Variants in FOXP1 observed in about 807,000 individuals in gnomAD.
FOXP1 encodes the protein forkhead box P1.
In FOXP1, 15 loss-of-function variants were observed where a neutral mutation model predicts 98.2. The observed-to-expected ratio is 0.15, with a 90% CI of 0.10 to 0.24. FOXP1 has a LOEUF of 0.24. Among genes scored for constraint, FOXP1 ranks in the 10% least tolerant of loss-of-function variants. The probability of loss-of-function intolerance (pLI) is 1.00; values close to 1 mark genes in which losing one functional copy is unlikely to be tolerated. For missense variants in FOXP1, 633 were observed against 848.5 expected (o/e 0.75, Z 3.15); for synonymous variants, 371 against 314.5 (o/e 1.18, Z -1.90).
intron 3 of FOXP1, among the ~76,000 whole-genome samples, chr3:71,432,692 C>T (rs1261712592): frequency 6.6e-6 from 1 of 152,038 alleles, no homozygotes; most frequent in African/African-American, 2.4e-5. Context: ...ATGATCGCTT[C>T]ACCCCATCCC....
chr3:71,507,096 C>T (rs1003155333), intron 2 of FOXP1, among the ~76,000 whole-genome samples: 1 of 152,170 alleles, frequency 6.6e-6, no homozygotes, highest in Admixed American at 6.5e-5. Flanking sequence ...TGAGCTGCTG[C>T]CAGTCCTTCA....
intron 6 of FOXP1, among the ~76,000 whole-genome samples, chr3:71,117,586 A>T (rs749854863): frequency 3.9e-5 from 6 of 152,132 alleles, no homozygotes; most frequent in Non-Finnish European, 7.3e-5. Flanking sequence ...GAAGAAGGAG[A>T]GGGCAAGCAG....
intron 2 of FOXP1, among the ~76,000 whole-genome samples, chr3:71,553,464 G>A (rs2045915045): frequency 1.3e-5 from 2 of 152,114 alleles, no homozygotes; most frequent in South Asian, 2.1e-4. Context: ...TCCAAATACA[G>A]TTACAGAATT....
At chr3:71,204,397 G>C (rs954559957) in intron 5 of FOXP1, among the ~76,000 whole-genome samples, 5 of 152,136 alleles carry the variant, frequency 3.3e-5, no homozygotes, top group Admixed American at 6.5e-5. Flanking sequence ...CAAACGGTAG[G>C]GTGGCCTAGG....
At chr3:71,307,236 A>G (rs2074345274) in intron 4 of FOXP1, among the ~76,000 whole-genome samples, 1 of 152,212 alleles carries the variant, frequency 6.6e-6, no homozygotes. Context: ...CAGATCCTTC[A>G]CAGCCTTCGA....
chr3:71,014,996 TG>T (rs2044235062), intron 12 of FOXP1, among the ~76,000 whole-genome samples: 1 of 101,784 alleles, frequency 9.8e-6, no homozygotes. Flanking sequence ...TGTCGTGGGG[TG>T]GGGGGAGAGG....
chr3:71,362,195 T>A (rs987501201), intron 3 of FOXP1, among the ~76,000 whole-genome samples: 2 of 152,174 alleles, frequency 1.3e-5, no homozygotes, highest in Non-Finnish European at 2.9e-5. Context: ...ATTTTTGAGA[T>A]GGAGTCTCGC....
chr3:70,985,050 G>A (rs1469754215), intron 14 of FOXP1, among the ~76,000 whole-genome samples: 1 of 152,178 alleles, frequency 6.6e-6, no homozygotes, highest in Non-Finnish European at 1.5e-5. Flanking sequence ...TTACAGCAAA[G>A]CATTCTATCA....
At chr3:71,502,323 C>T (rs934836843) in intron 2 of FOXP1, among the ~76,000 whole-genome samples, 6 of 152,222 alleles carry the variant, frequency 3.9e-5, no homozygotes, top group African/African-American at 1.4e-4. Flanking sequence ...GTCAAGTGAA[C>T]AGAGAGCTGG....
chr3:71,018,147 G>T (rs983169610), intron 11 of FOXP1, among the ~76,000 whole-genome samples: 18 of 152,164 alleles, frequency 1.2e-4, no homozygotes, highest in Admixed American at 1.2e-3. Context: ...AATTTAACAC[G>T]ATGTTTGCTG....
intron 3 of FOXP1, among the ~76,000 whole-genome samples, chr3:71,492,671 C>T (rs993329602): frequency 4.6e-5 from 7 of 152,104 alleles, no homozygotes; most frequent in Admixed American, 2.0e-4. Context: ...ATAAGGTTCT[C>T]CATGAAACTG....
intron 11 of FOXP1, among the ~76,000 whole-genome samples, chr3:71,038,054 A>C (rs761927257): frequency 1.3e-5 from 2 of 152,232 alleles, no homozygotes; most frequent in Non-Finnish European, 2.9e-5. Flanking sequence ...AACAGATTGC[A>C]GCTCACCAAA....
chr3:71,135,691 C>T (rs1180560978), intron 6 of FOXP1, among the ~76,000 whole-genome samples: 2 of 152,156 alleles, frequency 1.3e-5, no homozygotes, highest in African/African-American at 4.8e-5. Flanking sequence ...AAGTTTAACT[C>T]CCTCTGAACC....
At chr3:71,091,580 G>T (rs991888620) in intron 7 of FOXP1, among the ~76,000 whole-genome samples, 1 of 152,050 alleles carries the variant, frequency 6.6e-6, no homozygotes, top group Non-Finnish European at 1.5e-5. Context: ...GTAAATGATG[G>T]TTTTTAGAAT....
rs1436233707 is a variant in FOXP1 at position 71,189,683 on chromosome 3, T to C, written c.180+8519A>G. ...TAACTCCCACTCCTTGGTATTTGCA[T>C]ACCTCATAATTCAAAAGGTCCTGTT... On this transcript the variant is annotated intron_variant, in intron 6 of 20. Coordinates refer to ENST00000649528, the MANE Select transcript of FOXP1 (RefSeq NM_001349338.3). 2.6e-5 allele frequency among the ~76,000 whole-genome samples: 4 copies of C among 152,182 alleles called. No homozygotes were observed. The East Asian group carries it at 7.7e-4, about 29-fold the overall frequency.
At chr3:71,536,686 G>C (rs1442588491) in intron 2 of FOXP1, among the ~76,000 whole-genome samples, 2 of 150,752 alleles carry the variant, frequency 1.3e-5, no homozygotes, top group African/African-American at 2.4e-5. Flanking sequence ...ATGGGTGTTT[G>C]AGCAATGAAC....
At chr3:71,067,918 A>C (rs1319804276) in intron 7 of FOXP1, among the ~76,000 whole-genome samples, 1 of 138,620 alleles carries the variant, frequency 7.2e-6, no homozygotes, top group Non-Finnish European at 1.6e-5. Context: ...ACTGTCTTAA[A>C]AAATAAAAAA....
intron 4 of FOXP1, among the ~76,000 whole-genome samples, chr3:71,342,402 G>A (rs1295641717): frequency 2.0e-5 from 3 of 152,168 alleles, no homozygotes; most frequent in African/African-American, 7.2e-5. Flanking sequence ...GCACATAGTG[G>A]CTCACACCTG....
intron 4 of FOXP1, among the ~76,000 whole-genome samples, chr3:71,355,284 C>T (rs749868556): frequency 3.9e-5 from 6 of 152,200 alleles, no homozygotes; most frequent in Non-Finnish European, 8.8e-5. Flanking sequence ...TTAGGCACTG[C>T]TAGCCATGGA....
Sources: gnomAD v4.1 joint callset for allele counts (sites outside exome capture counted in the v4.1 genomes callset) on GRCh38, gnomAD v4.1.1 for gene constraint, MANE v1.5 for transcripts, NCBI Gene and HGNC (gene_info 2026-07-23, HGNC 2026-07-21) for gene names.